The following TMEM213 variants were observed in gnomAD, a reference collection of about 807,000 sequenced individuals.
TMEM213 encodes the protein transmembrane protein 213.
In TMEM213, 7 loss-of-function variants were observed where a neutral mutation model predicts 11.6. That is an observed-to-expected ratio of 0.60 (90% CI 0.34 to 1.13). The LOEUF is 1.13. Among genes scored for constraint, TMEM213 ranks in the 50% most tolerant of loss-of-function variants. The pLI is 0.03. For missense variants in TMEM213, 129 were observed against 139.0 expected (o/e 0.93, Z 0.36); for synonymous variants, 60 against 58.3 (o/e 1.03, Z -0.13).
In TMEM213 at chr7:138,805,075, C is replaced by T. The variant is rs1341769314; in HGVS notation, c.*2006C>T. On this transcript the variant is annotated 3_prime_UTR_variant, in exon 3 of 3. Coordinates refer to ENST00000442682, the MANE Select transcript of TMEM213 (RefSeq NM_001085429.2). ...TGACAACAGAAACTGAAGAGATTGC[C>T]TGGTTCATCTTGTAGTCTTCCAAAA... The T allele has an allele frequency of 2.0e-5, 3 of 152,110 alleles. No homozygotes were observed. The highest frequency in any genetic ancestry group is 7.2e-5 in the African/African-American group (3 of 41,422). 9.4% of individuals were successfully genotyped at this position (152,110 alleles called of 1,614,324 possible). A position where few individuals can be genotyped will look rare whatever the true frequency, so the allele number is the denominator to read the frequency against.
At chr7:138,801,236 C>T (rs1370288648) in intron 1 of TMEM213, 91 bp from the exon 2 acceptor site, 8 of 1,168,374 alleles carry the variant, frequency 6.8e-6, no homozygotes, top group Admixed American at 2.0e-5. Flanking sequence ...TTTCATAATA[C>T]TCACTACTGA....
In TMEM213 at chr7:138,801,282, T is replaced by C. The variant is rs1489189255; in HGVS notation, c.83-45T>C. On this transcript the variant is annotated intron_variant, in intron 1 of 2. Transcript: ENST00000442682. Reference sequence around the variant, plus strand: ...ACATTTCAAAATCTATGCCTGGGAATAGCTTTTGCCAGTGCCTCAGACTAT... The same window carrying C: ...ACATTTCAAAATCTATGCCTGGGAACAGCTTTTGCCAGTGCCTCAGACTAT... The C allele has an allele frequency of 3.3e-6, 5 of 1,534,922 alleles. No homozygotes were observed. In the East Asian group the frequency reaches 1.1e-4, roughly 35 times the overall value.
At chr7:138,800,280 AC>A (rs1808890438) in intron 1 of TMEM213, among the ~76,000 whole-genome samples, 1 of 152,108 alleles carries the variant, frequency 6.6e-6, no homozygotes, top group Non-Finnish European at 1.5e-5. Context: ...AATTTAAACA[AC>A]CACAGGTGGC....
chr7:138,803,212 C>T lies in TMEM213; in HGVS notation c.*143C>T, dbSNP rs1020350009. The T allele has an allele frequency of 9.6e-6, 11 of 1,140,548 alleles. No individual in the cohort carries two copies. Among genetic ancestry groups the T allele is most frequent in the African/African-American group, 3.1e-5 (2 of 64,316 alleles). The allele number at this position is 1,140,548 out of a possible 1,614,324, so 70.7% of individuals were successfully genotyped here. A position where few individuals can be genotyped will look rare whatever the true frequency, so the allele number is the denominator to read the frequency against. The stretch of plus-strand genomic sequence containing the variant: ...CTTTTACAAGGGAAAGAAGAAAGAG[C>T]GGGAGAACCAAATAAGGCAAGCCAG... On this transcript the variant is annotated 3_prime_UTR_variant, in exon 3 of 3. Coordinates refer to ENST00000442682, the MANE Select transcript of TMEM213 (RefSeq NM_001085429.2).
rs537138042 is a variant in TMEM213 at position 138,801,482 on chromosome 7, A to G, written c.154+84A>G. ...ACAAAGGCCTCCCCGCTTTCCGTTG[A>G]TTGGTGTCAAGTGGGCAAGGGCCTG... On this transcript the variant is annotated intron_variant, in intron 2 of 2. Coordinates refer to ENST00000442682, the MANE Select transcript of TMEM213 (RefSeq NM_001085429.2). The G allele has an allele frequency of 2.2e-6, 3 of 1,357,230 alleles. No individual in the cohort carries two copies. In the Admixed American group the frequency reaches 5.9e-5, roughly 27 times the overall value. The allele number at this position is 1,357,230 out of a possible 1,614,324, so 84.1% of individuals were successfully genotyped here.
At position 138,801,324 on chromosome 7, in the gene TMEM213, CA is replaced by C; in HGVS notation, c.83-2del. 1 of 1,611,022 alleles carries C rather than the reference CA, an allele frequency of 6.2e-7. No homozygotes were observed. ...TCAGACTATCTCCTATCTTTTCTTCCAGAAGCAAGCAGCAGCAACAGCTCAA... is the reference window on the plus strand; with the variant it reads ...TCAGACTATCTCCTATCTTTTCTTCCGAAGCAAGCAGCAGCAACAGCTCAA... On this transcript the variant is annotated splice_acceptor_variant, in intron 1 of 2. Coordinates refer to ENST00000442682, the MANE Select transcript of TMEM213 (RefSeq NM_001085429.2). LOFTEE classifies it high-confidence loss of function.
chr7:138,800,942 G>T (rs1808922537), intron 1 of TMEM213, among the ~76,000 whole-genome samples: 1 of 151,910 alleles, frequency 6.6e-6, no homozygotes, highest in Non-Finnish European at 1.5e-5. Context: ...CAGGTGATCT[G>T]CCCACCTCGG....
chr7:138,802,233 G>A (rs892067668), intron 2 of TMEM213, among the ~76,000 whole-genome samples: 8 of 151,128 alleles, frequency 5.3e-5, no homozygotes, highest in African/African-American at 1.9e-4. Context: ...TTGAATGACC[G>A]AATGCATTAA....
intron 1 of TMEM213, chr7:138,799,318 G>A (rs750688604): frequency 1.3e-5 from 2 of 152,096 alleles, no homozygotes; most frequent in Non-Finnish European, 1.5e-5. Flanking sequence ...TACTTACCCC[G>A]ACAGTGCCTT....
intron 1 of TMEM213, among the ~76,000 whole-genome samples, chr7:138,800,433 G>T (rs1428057933): frequency 6.6e-6 from 1 of 152,124 alleles, no homozygotes; most frequent in African/African-American, 2.4e-5. Context: ...TCATGCTAAA[G>T]TCCTTTTTAT....
At chr7:138,801,445 C>T (rs1407270254) in intron 2 of TMEM213, 47 bp downstream of exon 2, 3 of 1,550,680 alleles carry the variant, frequency 1.9e-6, no homozygotes, top group Non-Finnish European at 2.6e-6. Flanking sequence ...TGGCCCTCAG[C>T]CTGGGAGGGA....
In TMEM213 at chr7:138,805,716, TAGA is replaced by T. The variant is rs1036346571; in HGVS notation, c.*2652_*2654del. 3.9e-4 allele frequency: 60 copies of T among 152,182 alleles called. No homozygotes were observed. The highest frequency in any genetic ancestry group is 1.4e-3 in the African/African-American group (60 of 41,518). The allele number at this position is 152,182 out of a possible 1,614,324, so 9.4% of individuals were successfully genotyped here. A position where few individuals can be genotyped will look rare whatever the true frequency, so the allele number is the denominator to read the frequency against. On this transcript the variant is annotated 3_prime_UTR_variant, in exon 3 of 3. Transcript: ENST00000442682. ...GAGCACCAATTTTACACGTGGAAAATAGAAGAATTGGACCAAATCAGCAGTTTC... is the reference window on the plus strand; with the variant it reads ...GAGCACCAATTTTACACGTGGAAAATAGAATTGGACCAAATCAGCAGTTTC...
chr7:138,802,130 C>T (rs1808966643), intron 2 of TMEM213, among the ~76,000 whole-genome samples: 1 of 151,794 alleles, frequency 6.6e-6, no homozygotes, highest in Admixed American at 6.6e-5. Context: ...TGCACCACTG[C>T]ACTCCAGCCT....
At position 138,805,053 on chromosome 7, in the gene TMEM213, C is replaced by T. The variant is rs1367572498; in HGVS notation, c.*1984C>T. On this transcript the variant is annotated 3_prime_UTR_variant, in exon 3 of 3. Transcript: ENST00000442682. The stretch of plus-strand genomic sequence containing the variant: ...AGAAAATCTAAGTAAAGTTCCCTGA[C>T]AACAGAAACTGAAGAGATTGCCTGG... The T allele has an allele frequency of 1.3e-5, 2 of 152,138 alleles. No homozygotes were observed. The highest frequency in any genetic ancestry group is 3.8e-4 in the East Asian group (2 of 5,200). 9.4% of individuals were successfully genotyped at this position (152,138 alleles called of 1,614,324 possible).
intron 1 of TMEM213, among the ~76,000 whole-genome samples, chr7:138,801,092 C>T (rs1808928847): frequency 6.6e-6 from 1 of 152,122 alleles, no homozygotes; most frequent in African/African-American, 2.4e-5. Flanking sequence ...TGTCCCATCT[C>T]CAAATACAAT....
chr7:138,804,296 C>G lies in TMEM213; in HGVS notation c.*1227C>G, dbSNP rs577492296. On this transcript the variant is annotated 3_prime_UTR_variant, in exon 3 of 3. Coordinates refer to ENST00000442682, the MANE Select transcript of TMEM213 (RefSeq NM_001085429.2). ...GCTCTTTGGAGGAGTCCATCTGTCC[C>G]CCAGCACATCCAGGAGTAAGGATTC... 2.2e-4 allele frequency: 34 copies of G among 152,516 alleles called. No homozygotes were observed. The highest frequency in any genetic ancestry group is 9.8e-4 in the Admixed American group (15 of 15,304). 9.4% of individuals were successfully genotyped at this position (152,516 alleles called of 1,614,324 possible). A position where few individuals can be genotyped will look rare whatever the true frequency, so the allele number is the denominator to read the frequency against.
chr7:138,799,168 G>A (rs979041377), intron 1 of TMEM213: 3 of 152,198 alleles, frequency 2.0e-5, no homozygotes, highest in African/African-American at 7.2e-5. Flanking sequence ...TGCTTGTCAA[G>A]ACGAATTGAT....
intron 1 of TMEM213, among the ~76,000 whole-genome samples, chr7:138,801,114 T>C (rs1808929672): frequency 6.6e-6 from 1 of 152,196 alleles, no homozygotes; most frequent in Non-Finnish European, 1.5e-5. Flanking sequence ...ACATTGGGGT[T>C]AGGACTTCAA....
chr7:138,800,027 G>A (rs895386942), intron 1 of TMEM213, among the ~76,000 whole-genome samples: 1 of 151,478 alleles, frequency 6.6e-6, no homozygotes, highest in Non-Finnish European at 1.5e-5. Context: ...CATTCCCCAA[G>A]AAGCAGAACG....
Sources: gnomAD v4.1 joint callset for allele counts (sites outside exome capture counted in the v4.1 genomes callset) on GRCh38, gnomAD v4.1.1 for gene constraint, MANE v1.5 for transcripts, NCBI Gene and HGNC (gene_info 2026-07-23, HGNC 2026-07-21) for gene names.